The following PDE3A variants were observed in gnomAD, a reference collection of about 807,000 sequenced individuals.
PDE3A encodes the protein phosphodiesterase 3A.
A neutral mutation model predicts 98.3 loss-of-function variants in PDE3A; 43 were observed. The observed-to-expected ratio is 0.44, with a 90% confidence interval of 0.34 to 0.56. PDE3A has a LOEUF of 0.56. PDE3A is among the 20% of genes least tolerant of loss of function. The pLI is 0.01. For missense variants in PDE3A, 1,427 were observed against 1,440.7 expected (o/e 0.99, Z 0.15); for synonymous variants, 663 against 567.9 (o/e 1.17, Z -2.38).
intron 1 of PDE3A, among the ~76,000 whole-genome samples, chr12:20,528,562 T>C (rs2121177928): frequency 6.6e-6 from 1 of 152,342 alleles, no homozygotes; most frequent in African/African-American, 2.4e-5. Flanking sequence ...TTCAAAATCT[T>C]TGATGAGGCC....
chr12:20,667,772 G>C (rs1342775216), intron 15 of PDE3A, among the ~76,000 whole-genome samples: 1 of 152,130 alleles, frequency 6.6e-6, no homozygotes, highest in Non-Finnish European at 1.5e-5. Context: ...GTTCCATAGA[G>C]ATTTTGGAAT....
At chr12:20,371,739 AG>A (rs1484063101) in intron 1 of PDE3A, among the ~76,000 whole-genome samples, 2 of 152,204 alleles carry the variant, frequency 1.3e-5, no homozygotes, top group Non-Finnish European at 2.9e-5. Context: ...AGGGGAAAAC[AG>A]GCCACTGACT....
At chr12:20,661,434 A>C (rs2121523356) in intron 15 of PDE3A, among the ~76,000 whole-genome samples, 1 of 152,338 alleles carries the variant, frequency 6.6e-6, no homozygotes, top group African/African-American at 2.4e-5. Context: ...TTAATCCCCA[A>C]GACAATGGGG....
chr12:20,416,319 C>G (rs563028468), intron 1 of PDE3A, among the ~76,000 whole-genome samples: 7 of 152,130 alleles, frequency 4.6e-5, no homozygotes, highest in African/African-American at 1.2e-4. Flanking sequence ...GACAAACTAC[C>G]GTTAGGTTGT....
chr12:20,571,573 G>GT (rs1385502217), intron 2 of PDE3A, among the ~76,000 whole-genome samples: 2 of 151,988 alleles, frequency 1.3e-5, no homozygotes, highest in African/African-American at 2.4e-5. Context: ...AACAAGGCCT[G>GT]TTTTTTTCTG....
chr12:20,395,074 A>G (rs2120627901), intron 1 of PDE3A, among the ~76,000 whole-genome samples: 1 of 152,144 alleles, frequency 6.6e-6, no homozygotes, highest in South Asian at 2.1e-4. Flanking sequence ...CTGTTGATGG[A>G]GGGATTCAAA....
At chr12:20,449,324 A>G (rs1412565977) in intron 1 of PDE3A, among the ~76,000 whole-genome samples, 1 of 152,250 alleles carries the variant, frequency 6.6e-6, no homozygotes, top group Non-Finnish European at 1.5e-5. Context: ...CAGAAAATAA[A>G]ATTTTATGAG....
chr12:20,493,777 T>C (rs1474328428), intron 1 of PDE3A, among the ~76,000 whole-genome samples: 1 of 152,156 alleles, frequency 6.6e-6, no homozygotes, highest in Non-Finnish European at 1.5e-5. Context: ...ACTACAGGCA[T>C]GCGCCACCAA....
At chr12:20,420,330 A>G (rs950247318) in intron 1 of PDE3A, among the ~76,000 whole-genome samples, 1 of 152,182 alleles carries the variant, frequency 6.6e-6, no homozygotes, top group Admixed American at 6.5e-5. Context: ...TCCGATCTCC[A>G]CGCTCTAAAC....
At chr12:20,645,562 A>G (rs1421404224) in intron 10 of PDE3A, among the ~76,000 whole-genome samples, 1 of 152,208 alleles carries the variant, frequency 6.6e-6, no homozygotes, top group Non-Finnish European at 1.5e-5. Flanking sequence ...GGTATTTACA[A>G]TATGTAAATA....
At chr12:20,386,164 AATATATAAAAATATATATAAAT>A (rs1943790044) in intron 1 of PDE3A, among the ~76,000 whole-genome samples, 1 of 95,796 alleles carries the variant, frequency 1.0e-5, no homozygotes, top group African/African-American at 4.3e-5. Context: ...AATATATATA[AATATATAAAAATATATATAAAT>A]ATATATAAAT....
intron 1 of PDE3A, among the ~76,000 whole-genome samples, chr12:20,492,905 G>A (rs565052540): frequency 3.0e-4 from 46 of 152,130 alleles, no homozygotes; most frequent in Admixed American, 2.1e-3. Flanking sequence ...TGGTGGTGGC[G>A]GGAATAAAGA....
At chr12:20,617,651 A>T (rs933905447) in intron 4 of PDE3A, among the ~76,000 whole-genome samples, 1 of 152,144 alleles carries the variant, frequency 6.6e-6, no homozygotes, top group Non-Finnish European at 1.5e-5. Context: ...AGCATGTATC[A>T]TTAGAGTCTG....
intron 1 of PDE3A, among the ~76,000 whole-genome samples, chr12:20,425,482 T>C (rs1310337527): frequency 2.0e-5 from 3 of 152,192 alleles, no homozygotes; most frequent in African/African-American, 7.2e-5. Context: ...TATGTATGCA[T>C]TTTTGTATGA....
At chr12:20,560,885 T>C (rs561872215) in intron 2 of PDE3A, among the ~76,000 whole-genome samples, 8 of 148,734 alleles carry the variant, frequency 5.4e-5, no homozygotes, top group African/African-American at 2.0e-4. Flanking sequence ...TACCAGCCAT[T>C]TACACTATAT....
At chr12:20,629,129 G>C (rs1294423832) in intron 5 of PDE3A, among the ~76,000 whole-genome samples, 2 of 152,176 alleles carry the variant, frequency 1.3e-5, no homozygotes, top group Non-Finnish European at 2.9e-5. Context: ...CCTTCTCTGT[G>C]TTTGGGAGAG....
intron 1 of PDE3A, among the ~76,000 whole-genome samples, chr12:20,514,513 C>A (rs900738331): frequency 6.6e-6 from 1 of 152,078 alleles, no homozygotes; most frequent in Non-Finnish European, 1.5e-5. Context: ...AAGAACAGAA[C>A]CCTTGAAGAC....
At chr12:20,593,169 T>C (rs1239512061) in intron 2 of PDE3A, among the ~76,000 whole-genome samples, 8 of 152,160 alleles carry the variant, frequency 5.3e-5, no homozygotes, top group African/African-American at 1.4e-4. Flanking sequence ...TGAATCTTGA[T>C]AATCAATACT....
intron 1 of PDE3A, among the ~76,000 whole-genome samples, chr12:20,398,058 T>TG (rs1381288509): frequency 1.3e-5 from 2 of 151,788 alleles, no homozygotes; most frequent in East Asian, 3.9e-4. Context: ...TTTGTTTTTT[T>TG]TTTCGGGAGT....
Sources: gnomAD v4.1 joint callset for allele counts (sites outside exome capture counted in the v4.1 genomes callset) on GRCh38, gnomAD v4.1.1 for gene constraint, MANE v1.5 for transcripts, NCBI Gene and HGNC (gene_info 2026-07-23, HGNC 2026-07-21) for gene names.